COL6A5: variants seen among roughly 807,000 people sequenced by gnomAD.
COL6A5 encodes collagen alpha-5(VI) chain.
A neutral mutation model predicts 65.6 loss-of-function variants in COL6A5; 48 were observed. That is an observed-to-expected ratio of 0.73 (90% CI 0.58 to 0.93). The LOEUF (loss-of-function observed/expected upper bound fraction) is 0.93, where lower values mean the gene tolerates loss of function less well. Among genes scored for constraint, COL6A5 ranks in the 40% least tolerant of loss-of-function variants. COL6A5 has a pLI of 0.00. For missense variants in COL6A5, 914 were observed against 928.3 expected, an observed-to-expected ratio of 0.98 and a Z score of 0.20; for synonymous variants, 291 against 322.8, an observed-to-expected ratio of 0.90 and a Z score of 1.05.
At chr3:130,383,293 G>C (rs139237590) in intron 4 of COL6A5, among the ~76,000 whole-genome samples, 34 of 152,068 alleles carry the variant, frequency 2.2e-4, no homozygotes, top group Non-Finnish European at 4.3e-4. Context: ...TTTAATGTTG[G>C]ATAGTTTAGA....
chr3:130,375,467 C>T (rs1329018682), intron 2 of COL6A5, among the ~76,000 whole-genome samples: 2 of 152,078 alleles, frequency 1.3e-5, no homozygotes, highest in African/African-American at 2.4e-5. Flanking sequence ...TATCCTGTTT[C>T]TCTTACATTG....
chr3:130,349,418 G>A (rs1934621408), intron 1 of COL6A5, among the ~76,000 whole-genome samples: 1 of 152,164 alleles, frequency 6.6e-6, no homozygotes, highest in Non-Finnish European at 1.5e-5. Context: ...TTATATAATT[G>A]AAGTGAGAAT....
chr3:130,353,533 A>C (rs1476235106), intron 1 of COL6A5, among the ~76,000 whole-genome samples: 1 of 152,178 alleles, frequency 6.6e-6, no homozygotes, highest in Non-Finnish European at 1.5e-5. Flanking sequence ...TACAAAACTA[A>C]AACCTAAATT....
rs757028067 is a variant in COL6A5 at position 130,440,693 on chromosome 3, A to G, written c.1111A>G (p.Thr371Ala). ...CATATTTGTGATTTCTCTGGGCTCT[A>G]CACGTAAGGATGACATGGAGGAGTT... is the stretch of plus-strand genomic sequence containing the variant. Residue 371 changes from threonine (T) to alanine (A), a missense_variant, in exon 3 of 8, where the codon ACA becomes GCA. Thr to Ala is a moderately conservative substitution (Grantham distance 58). Transcript: ENST00000512836. The G allele has an allele frequency of 3.1e-6, 5 of 1,613,488 alleles. No individual in the cohort carries two copies. The East Asian group carries it at 1.1e-4, about 36-fold the overall frequency.
At chr3:130,456,031 G>C (rs569083667) in intron 5 of COL6A5, among the ~76,000 whole-genome samples, 1 of 152,066 alleles carries the variant, frequency 6.6e-6, no homozygotes, top group South Asian at 2.1e-4. Context: ...TTTCATTCTT[G>C]TTGTTCAGGC....
At chr3:130,447,987 G>A (rs1310945130) in intron 4 of COL6A5, among the ~76,000 whole-genome samples, 1 of 152,126 alleles carries the variant, frequency 6.6e-6, no homozygotes, top group East Asian at 1.9e-4. Context: ...AATAAAATCA[G>A]CCAAGTGAAT....
chr3:130,362,164 T>C (rs1935130979), intron 1 of COL6A5, among the ~76,000 whole-genome samples: 1 of 151,616 alleles, frequency 6.6e-6, no homozygotes, highest in Admixed American at 6.6e-5. Context: ...TTCTCCTATG[T>C]TATATTCTAG....
chr3:130,404,606 T>C (rs1936923536), intron 13 of COL6A5, among the ~76,000 whole-genome samples: 2 of 152,142 alleles, frequency 1.3e-5, no homozygotes, highest in South Asian at 2.1e-4. Flanking sequence ...GCTTTCAGTG[T>C]GGGGAATAGT....
intron 7 of COL6A5, 110 bp downstream of exon 39, chr3:130,471,077 TGTGTG>T (rs1709941255): frequency 3.1e-6 from 2 of 639,718 alleles, no homozygotes; most frequent in African/African-American, 4.1e-5. Context: ...TGTGTTTTTG[TGTGTG>T]TGTGTGTGTG....
chr3:130,432,748 C>A (rs1420711505), intron 1 of COL6A5, among the ~76,000 whole-genome samples: 5 of 152,036 alleles, frequency 3.3e-5, no homozygotes, highest in Non-Finnish European at 2.9e-5. Context: ...GAACAGCTGG[C>A]CTTAACCAGT....
At chr3:130,465,533 AT>A (rs1709794646) in intron 5 of COL6A5, among the ~76,000 whole-genome samples, 2 of 152,074 alleles carry the variant, frequency 1.3e-5, no homozygotes. Flanking sequence ...TTAGCCCTGA[AT>A]TAACCACTGC....
In COL6A5 at chr3:130,431,799, A is replaced by C. The variant is rs901313960; in HGVS notation, c.339A>C (p.Gly113=). The C allele has an allele frequency of 3.9e-6, 6 of 1,551,510 alleles. No homozygotes were observed. In the African/African-American group the frequency reaches 8.2e-5, roughly 21 times the overall value. Residue 113 remains glycine (G), a synonymous_variant, in exon 1 of 8, where the codon GGA becomes GGC. Transcript: ENST00000512836. ...ACGTGTTCAAGCGGACGTATGCAGG[A>C]GCCAACGTGAGGAGAGTTGCTGTGT... is the stretch of plus-strand genomic sequence containing the variant.
intron 7 of COL6A5, 113 bp downstream of exon 40, chr3:130,472,039 G>A (rs970603390): frequency 1.3e-5 from 13 of 1,025,856 alleles, no homozygotes; most frequent in Non-Finnish European, 1.8e-5. Flanking sequence ...GACAGGATGA[G>A]GATAAAAGAG....
intron 3 of COL6A5, among the ~76,000 whole-genome samples, chr3:130,377,684 C>T (rs563146396): frequency 3.3e-4 from 51 of 152,310 alleles, no homozygotes; most frequent in Middle Eastern, 3.4e-3. Flanking sequence ...CAAACCCTGG[C>T]TTGGCCACTT....
intron 23 of COL6A5, among the ~76,000 whole-genome samples, chr3:130,416,394 A>G (rs1397009093): frequency 6.6e-6 from 1 of 152,150 alleles, no homozygotes; most frequent in Non-Finnish European, 1.5e-5. Flanking sequence ...GTATGCACAT[A>G]TGGTACGGGC....
chr3:130,427,235 A>G (rs1016313545), upstream of COL6A5, among the ~76,000 whole-genome samples: 3 of 152,198 alleles, frequency 2.0e-5, no homozygotes, highest in African/African-American at 4.8e-5. Context: ...CTAGAAGCAA[A>G]AGTAGAAAAA....
At chr3:130,377,618 A>G (rs1008863390) in intron 3 of COL6A5, among the ~76,000 whole-genome samples, 1 of 152,244 alleles carries the variant, frequency 6.6e-6, no homozygotes, top group African/African-American at 2.4e-5. Flanking sequence ...GTGTTGTCCC[A>G]TCCTAGACTT....
intron 4 of COL6A5, among the ~76,000 whole-genome samples, chr3:130,384,109 A>G (rs1468284753): frequency 6.6e-6 from 1 of 152,072 alleles, no homozygotes; most frequent in Non-Finnish European, 1.5e-5. Flanking sequence ...GATGACATCC[A>G]TGATGAGAAG....
chr3:130,423,961 G>A, intron 29 of COL6A5, 61 bp downstream of exon 29: 1 of 1,305,556 alleles, frequency 7.7e-7, no homozygotes, highest in South Asian at 1.4e-5. Context: ...CCATGGAAAG[G>A]GCACAGAATT....
Sources: gnomAD v4.1 joint callset for allele counts (sites outside exome capture counted in the v4.1 genomes callset) on GRCh38, gnomAD v4.1.1 for gene constraint, MANE v1.5 for transcripts, NCBI Gene and HGNC (gene_info 2026-07-23, HGNC 2026-07-21) for gene names.